PMFBP1: variants seen among roughly 807,000 people sequenced by gnomAD.
PMFBP1 encodes polyamine modulated factor 1 binding protein 1.
In PMFBP1, 131 loss-of-function variants were observed where a neutral mutation model predicts 137.8. The observed-to-expected ratio is 0.95, with a 90% CI of 0.82 to 1.10. The LOEUF is 1.10. Ranked by LOEUF, PMFBP1 falls within the 50% of genes least tolerant of loss-of-function variation. The pLI is 0.00. For synonymous variants in PMFBP1, 490 were observed against 450.4 expected (o/e 1.09, Z -1.11); for missense variants, 1,199 against 1,175.4 (o/e 1.02, Z -0.29).
At chr16:72,201,213 G>C in the PMFBP1 span, among the ~76,000 whole-genome samples, 1 of 152,086 alleles carries the variant, frequency 6.6e-6, no homozygotes, top group East Asian at 1.9e-4. Context: ...GCTAAAATTT[G>C]GTTCTATGTC....
the PMFBP1 span, among the ~76,000 whole-genome samples, chr16:72,249,920 C>CAAAAAAA: frequency 7.0e-4 from 21 of 30,082 alleles, no homozygotes; most frequent in Admixed American, 2.1e-3. Flanking sequence ...GACTCCATCG[C>CAAAAAAA]AAAAAAAAAA....
At chr16:72,130,497 G>A (rs375343936) in intron 11 of PMFBP1, 36 bp downstream of exon 11, 239 of 1,612,394 alleles carry the variant, frequency 1.5e-4, no homozygotes, top group Non-Finnish European at 2.0e-4. Flanking sequence ...AAGAGTGACA[G>A]AACCTCTCTC....
rs374783764 is a variant in PMFBP1, at chr16:72,154,474, G to A, written c.166-15C>T. 6 of 1,608,970 alleles carry A rather than the reference G, an allele frequency of 3.7e-6. No homozygotes were observed. The African/African-American group carries it at 8.0e-5, about 22-fold the overall frequency. On this transcript the variant is annotated splice_polypyrimidine_tract_variant and intron_variant, in intron 3 of 20. Coordinates refer to ENST00000237353, the MANE Select transcript of PMFBP1 (RefSeq NM_031293.3). ...TGCTTCTTGTCCTACCATAGAGACA[G>A]GATATACAAAAAAGGCTTTAGATCA... is the stretch of plus-strand genomic sequence containing the variant.
At chr16:72,166,123 C>G (rs2043141269) in intron 2 of PMFBP1, among the ~76,000 whole-genome samples, 1 of 152,128 alleles carries the variant, frequency 6.6e-6, no homozygotes, top group African/African-American at 2.4e-5. Flanking sequence ...GAGGCTGGCT[C>G]CTTCATGGTC....
chr16:72,153,717 C>G (rs2042937463), intron 4 of PMFBP1, among the ~76,000 whole-genome samples: 1 of 149,004 alleles, frequency 6.7e-6, no homozygotes, highest in Non-Finnish European at 1.5e-5. Flanking sequence ...GAAAAAATTA[C>G]CTGGTACTCT....
intron 9 of PMFBP1, among the ~76,000 whole-genome samples, chr16:72,135,038 T>C (rs2042602801): frequency 6.6e-6 from 1 of 152,206 alleles, no homozygotes; most frequent in Non-Finnish European, 1.5e-5. Flanking sequence ...AATATACGAA[T>C]AACTCAAAAC....
At chr16:72,149,171 T>C (rs1207227938) in intron 5 of PMFBP1, among the ~76,000 whole-genome samples, 1 of 152,222 alleles carries the variant, frequency 6.6e-6, no homozygotes. Context: ...CCTGTGACTA[T>C]TAGAACTAAG....
the PMFBP1 span, among the ~76,000 whole-genome samples, chr16:72,213,760 G>A: frequency 2.6e-5 from 4 of 152,178 alleles, no homozygotes; most frequent in South Asian, 2.1e-4. Context: ...CAAAAAAGTT[G>A]AGCGAAAACT....
the PMFBP1 span, among the ~76,000 whole-genome samples, chr16:72,221,549 G>T: frequency 6.6e-6 from 1 of 152,174 alleles, no homozygotes; most frequent in African/African-American, 2.4e-5. Context: ...AAAGACAGCA[G>T]AGATTTCATT....
At chr16:72,216,237 G>C in the PMFBP1 span, among the ~76,000 whole-genome samples, 1 of 152,156 alleles carries the variant, frequency 6.6e-6, no homozygotes, top group Admixed American at 6.5e-5. Context: ...ACTTAGAGGA[G>C]AGCTGCCCTA....
chr16:72,161,050 G>A (rs953608346), intron 3 of PMFBP1, among the ~76,000 whole-genome samples: 3 of 149,362 alleles, frequency 2.0e-5, no homozygotes, highest in African/African-American at 7.4e-5. Context: ...TATTTCCTTT[G>A]AACTCTAGTT....
At chr16:72,139,862 T>G (rs2042689412) in intron 6 of PMFBP1, among the ~76,000 whole-genome samples, 1 of 152,218 alleles carries the variant, frequency 6.6e-6, no homozygotes, top group East Asian at 1.9e-4. Flanking sequence ...TGAAAATAAT[T>G]CAAATAAGAC....
the PMFBP1 span, among the ~76,000 whole-genome samples, chr16:72,219,450 A>C: frequency 6.6e-6 from 1 of 152,204 alleles, no homozygotes; most frequent in Non-Finnish European, 1.5e-5. Flanking sequence ...GTATATCCAC[A>C]GGACTTGCTC....
At chr16:72,121,483 C>G (rs908332833) in intron 19 of PMFBP1, among the ~76,000 whole-genome samples, 37 of 152,340 alleles carry the variant, frequency 2.4e-4, no homozygotes, top group East Asian at 3.9e-4. Flanking sequence ...TACCTAAGGC[C>G]AAAGCCTAGA....
chr16:72,222,581 C>A, the PMFBP1 span, among the ~76,000 whole-genome samples: 2 of 152,126 alleles, frequency 1.3e-5, no homozygotes, highest in African/African-American at 4.8e-5. Context: ...AGACTGTGCC[C>A]ATCCCTCAGG....
At chr16:72,168,802 A>G (rs1482798205) in intron 2 of PMFBP1, among the ~76,000 whole-genome samples, 1 of 152,236 alleles carries the variant, frequency 6.6e-6, no homozygotes, top group Non-Finnish European at 1.5e-5. Context: ...ATGAGTGCTG[A>G]TACTGCAGTT....
the PMFBP1 span, among the ~76,000 whole-genome samples, chr16:72,202,951 A>T: frequency 6.6e-6 from 1 of 152,210 alleles, no homozygotes; most frequent in Non-Finnish European, 1.5e-5. Context: ...TCACTCCTGC[A>T]AGCTCAACCT....
chr16:72,180,659 A>C (rs2043272941), upstream of PMFBP1, among the ~76,000 whole-genome samples: 1 of 152,010 alleles, frequency 6.6e-6, no homozygotes, highest in Admixed American at 6.5e-5. Flanking sequence ...TTAAAGCACT[A>C]GATCAATAGT....
chr16:72,214,957 T>C, the PMFBP1 span, among the ~76,000 whole-genome samples: 1 of 152,022 alleles, frequency 6.6e-6, no homozygotes, highest in African/African-American at 2.4e-5. Context: ...ATTTATAAAT[T>C]CCAGAAATAA....
Sources: allele counts gnomAD v4.1 joint callset (sites outside exome capture counted in the v4.1 genomes callset), GRCh38; gene constraint gnomAD v4.1.1; transcripts MANE v1.5; gene names NCBI Gene and HGNC (gene_info 2026-07-23, HGNC 2026-07-21).